Variants in NUP214 observed in about 807,000 individuals in gnomAD.
The protein encoded by NUP214 is nucleoporin 214, also known as nuclear pore complex protein Nup214.
Under a neutral mutation model 196.2 loss-of-function variants are expected in NUP214, and 79 were observed. That is an observed-to-expected ratio of 0.40 (90% CI 0.34 to 0.49). NUP214 has a LOEUF of 0.49. NUP214 is among the 20% of genes least tolerant of loss of function. NUP214 has a pLI of 0.58. For missense variants in NUP214, 2,468 were observed against 2,539.0 expected (o/e 0.97, Z 0.60); for synonymous variants, 1,020 against 990.5 (o/e 1.03, Z -0.56).
At chr9:131,216,173 A>C (rs559496891) in intron 31 of NUP214, among the ~76,000 whole-genome samples, 3 of 149,682 alleles carry the variant, frequency 2.0e-5, no homozygotes, top group Non-Finnish European at 4.4e-5. Context: ...TACAGGTATG[A>C]GCCACCATGC....
In NUP214 at chr9:131,178,351, T is replaced by A. The variant is rs1833173533; in HGVS notation, c.3360T>A (p.Pro1120=). 1 of 1,613,964 alleles carries A rather than the reference T, an allele frequency of 6.2e-7. No homozygotes were observed. The highest frequency in any genetic ancestry group is 1.1e-5 in the South Asian group (1 of 91,078). The change falls in exon 24 of 36, where the codon CCT becomes CCA. Residue 1120 remains proline, a synonymous_variant. Coordinates refer to ENST00000359428, the MANE Select transcript of NUP214 (RefSeq NM_005085.4). ...CTGAATCAACGTTGAAGAATGTCCC[T>A]CAAGTGGTAAATGTGCAGGAATTGA... ...TLTESTLKNV[P]QVVNVQELKN...
chr9:131,130,926 A>T, intron 5 of NUP214, 90 bp downstream of exon 5: 1 of 978,370 alleles, frequency 1.0e-6, no homozygotes, highest in Non-Finnish European at 1.6e-6. Context: ...TTTTCCTATT[A>T]AAAAGTAATT....
Position 131,125,939 on chromosome 9 carries a change from A to G in NUP214, c.45+190A>G. The G allele has an allele frequency of 5.9e-6, 4 of 678,254 alleles. No individual in the cohort carries two copies. Among genetic ancestry groups the G allele is most frequent in the Middle Eastern group, 3.9e-4 (1 of 2,540 alleles). The allele number at this position is 678,254 out of a possible 1,614,324, so 42.0% of individuals were successfully genotyped here. A position where few individuals can be genotyped will look rare whatever the true frequency, so the allele number is the denominator to read the frequency against. On this transcript the variant is annotated intron_variant, in intron 1 of 35. Transcript: ENST00000359428. This position sits in a 1 kb window ranked among gnomAD's most constrained non-coding sequence, Gnocchi z 4.1. ...CCACCGAATGCAGTTTCCCAGTCCCATCCTGGTCTCGTGCACGGCTGTTGA... is the reference window on the plus strand; with the variant it reads ...CCACCGAATGCAGTTTCCCAGTCCCGTCCTGGTCTCGTGCACGGCTGTTGA...
intron 7 of NUP214, chr9:131,133,675 G>T: frequency 6.6e-6 from 1 of 152,406 alleles, no homozygotes; most frequent in Non-Finnish European, 1.5e-5. Context: ...GCTGCACCAT[G>T]GGCCAGGGGT....
chr9:131,182,766 A>G (rs575372234), intron 24 of NUP214, among the ~76,000 whole-genome samples: 1 of 152,056 alleles, frequency 6.6e-6, no homozygotes, highest in Non-Finnish European at 1.5e-5. Flanking sequence ...ATTTGTTTCT[A>G]TTTATCCCAT....
Position 131,163,973 on chromosome 9 carries a change from A to C in NUP214, c.2809+18A>C, listed in dbSNP as rs554046019. 2.5e-6 allele frequency: 4 copies of C among 1,613,262 alleles called. No homozygotes were observed. The African/African-American group carries it at 5.3e-5, about 22-fold the overall frequency. ...AGTACCAGGTAATTGCATCCTTCCC[A>C]GTCTTTTAACTCCCTTTATTCTCTT... is the stretch of plus-strand genomic sequence containing the variant. On this transcript the variant is annotated intron_variant, in intron 20 of 35. Transcript: ENST00000359428.
chr9:131,140,822 G>C, intron 11 of NUP214, 112 bp downstream of exon 11: 1 of 1,112,524 alleles, frequency 9.0e-7, no homozygotes, highest in East Asian at 2.4e-5. Context: ...TACCAGCCTG[G>C]TCTGTCTTAG....
chr9:131,225,220 C>T (rs1419296797), intron 32 of NUP214, among the ~76,000 whole-genome samples: 1 of 151,982 alleles, frequency 6.6e-6, no homozygotes, highest in African/African-American at 2.4e-5. Flanking sequence ...TGAAACCAGC[C>T]TGGATAACAT....
chr9:131,224,731 A>G (rs1177369567), intron 32 of NUP214, among the ~76,000 whole-genome samples: 1 of 152,242 alleles, frequency 6.6e-6, no homozygotes, highest in Non-Finnish European at 1.5e-5. Flanking sequence ...ATTAAAACAG[A>G]ATATTCTGAA....
At chr9:131,164,187 G>A (rs748893174) in intron 21 of NUP214, 43 bp downstream of exon 21, 4 of 1,582,648 alleles carry the variant, frequency 2.5e-6, no homozygotes, top group East Asian at 2.2e-5. Flanking sequence ...GTGATAGGGT[G>A]TGGTGGGGTG....
chr9:131,173,148 C>G (rs1275664184), intron 21 of NUP214, among the ~76,000 whole-genome samples: 1 of 152,150 alleles, frequency 6.6e-6, no homozygotes, highest in Non-Finnish European at 1.5e-5. Context: ...CCTCCACCTG[C>G]CGGGTTCAAG....
chr9:131,126,041 G>C (rs1352044619), intron 1 of NUP214: 2 of 455,054 alleles, frequency 4.4e-6, no homozygotes, highest in South Asian at 2.8e-5. Flanking sequence ...TGTGTGCCAG[G>C]CACTGTGGTA....
At chr9:131,163,739 G>A (rs1012186413) in intron 19 of NUP214, 131 bp from the exon 20 acceptor site, 9 of 696,392 alleles carry the variant, frequency 1.3e-5, no homozygotes, top group African/African-American at 8.9e-5. Context: ...CCATCAGTTG[G>A]TCAGATGGCA....
chr9:131,214,521 T>G (rs1834339114), intron 30 of NUP214, among the ~76,000 whole-genome samples: 2 of 152,162 alleles, frequency 1.3e-5, no homozygotes. Context: ...TTAACTAAGG[T>G]GAATGGCCCC....
intron 31 of NUP214, 47 bp from the exon 32 acceptor site, chr9:131,222,731 A>G (rs527527102): frequency 5.7e-6 from 9 of 1,581,520 alleles, no homozygotes; most frequent in Non-Finnish European, 7.8e-6. Flanking sequence ...GAAGCAGGTA[A>G]GGACATTTGT....
chr9:131,149,904 C>G (rs1832205174), intron 14 of NUP214: 4 of 157,222 alleles, frequency 2.5e-5, no homozygotes, highest in Admixed American at 2.5e-4. Context: ...TGGTGCCTGG[C>G]AGGTGCTTCC....
At position 131,128,405 on chromosome 9, in the gene NUP214, C is replaced by T. The variant is rs763562641; in HGVS notation, c.315C>T (p.Leu105=). ...IHHLALSCDN[L]TLSACMMSSE... is the part of the protein sequence containing the mutation. ...ACCTGGCCTTGAGCTGTGATAACCT[C>T]ACACTCTCTGCGTGCATGATGTCCA... Residue 105 remains leucine, a synonymous_variant, in exon 3 of 36, where the codon CTC becomes CTT. Transcript: ENST00000359428. The T allele has an allele frequency of 1.2e-6, 2 of 1,614,000 alleles. No individual in the cohort carries two copies. Among genetic ancestry groups the T allele is most frequent in the South Asian group, 1.1e-5 (1 of 91,072 alleles).
At chr9:131,213,765 G>GTTGTTA in intron 30 of NUP214, among the ~76,000 whole-genome samples, 1 of 126,410 alleles carries the variant, frequency 7.9e-6, no homozygotes, top group African/African-American at 3.0e-5. Flanking sequence ...TGTTGTTGTT[G>GTTGTTA]TTGTTGTTGT....
At position 131,230,661 on chromosome 9, in the gene NUP214, G is replaced by C. The variant is rs142328071; in HGVS notation, c.6106G>C (p.Gly2036Arg). 5 of 1,613,940 alleles carry C rather than the reference G, an allele frequency of 3.1e-6. No individual in the cohort carries two copies. The highest frequency in any genetic ancestry group is 4.2e-6 in the Non-Finnish European group (5 of 1,180,014). Residue 2036 changes from glycine to arginine, a missense_variant, in exon 34 of 36, where the codon GGC becomes CGC. Gly to Arg is a moderately radical substitution (Grantham distance 125). Transcript: ENST00000359428. ...FGSSSNTTSF[G>R]TLASQNAPTF... ...GAGCAGCAGCAACACCACATCCTTC[G>C]GCACGCTCGCGAGTCAGAATGCCCC...
Sources: allele counts gnomAD v4.1 joint callset (sites outside exome capture counted in the v4.1 genomes callset), GRCh38; gene constraint gnomAD v4.1.1; non-coding constraint Gnocchi (gnomAD v3.1); transcripts MANE v1.5; gene names NCBI Gene and HGNC (gene_info 2026-07-23, HGNC 2026-07-21).